EXOC6B: variants seen among roughly 807,000 people sequenced by gnomAD.
EXOC6B encodes the protein SEC15 homolog B.
In EXOC6B, 54 loss-of-function variants were observed where a neutral mutation model predicts 113.5. The observed-to-expected ratio is 0.48, with a 90% CI of 0.38 to 0.60. The LOEUF is 0.60. Ranked by LOEUF, EXOC6B falls within the 20% of genes least tolerant of loss-of-function variation. The pLI, the probability that EXOC6B is intolerant of heterozygous loss-of-function variation, is 0.00. For synonymous variants in EXOC6B, 357 were observed against 339.0 expected, an observed-to-expected ratio of 1.05 and a Z score of -0.58; for missense variants, 797 against 977.5, an observed-to-expected ratio of 0.82 and a Z score of 2.46.
In EXOC6B at chr2:72,743,600, T is replaced by G. The variant is rs908803450; in HGVS notation, c.114-2131A>C. The stretch of plus-strand genomic sequence containing the variant: ...TATCTCCGCCTCCCCACAACCCACC[T>G]CAACTAGATTGTAAGTTCAAGGGCA... On this transcript the variant is annotated intron_variant, in intron 1 of 21. Coordinates refer to ENST00000272427, the MANE Select transcript of EXOC6B (RefSeq NM_015189.3). 3.9e-5 allele frequency among the ~76,000 whole-genome samples: 6 copies of G among 152,114 alleles called. No individual in the cohort carries two copies. The East Asian group carries it at 7.7e-4, about 20-fold the overall frequency.
chr2:72,600,458 A>C (rs1670349839), intron 6 of EXOC6B, among the ~76,000 whole-genome samples: 1 of 151,376 alleles, frequency 6.6e-6, no homozygotes, highest in Non-Finnish European at 1.5e-5. Flanking sequence ...AAAAAAAAAA[A>C]AAAAAAACTA....
chr2:72,515,425 G>A, intron 8 of EXOC6B: 1 of 1,169,256 alleles, frequency 8.6e-7, no homozygotes, highest in Non-Finnish European at 1.1e-6. Context: ...CAAGAATGCA[G>A]GGAAACCAAC....
chr2:72,682,263 A>G (rs1325998028), intron 6 of EXOC6B, among the ~76,000 whole-genome samples: 1 of 152,166 alleles, frequency 6.6e-6, no homozygotes, highest in East Asian at 1.9e-4. Flanking sequence ...CCATTTCCTC[A>G]TTCTTCTTAA....
chr2:72,671,799 GAAAGAAAGAAAGAAAGAAAGAAGAGA>G (rs1675877675), intron 6 of EXOC6B, among the ~76,000 whole-genome samples: 1 of 117,612 alleles, frequency 8.5e-6, no homozygotes, highest in Non-Finnish European at 1.8e-5. Flanking sequence ...AAGAAAGAAA[GAAAGAAAGAAAGAAAGAAAGAAGAGA>G]AAAGAAAGAA....
At chr2:72,229,510 A>G (rs1264277122) in intron 20 of EXOC6B, among the ~76,000 whole-genome samples, 2 of 152,214 alleles carry the variant, frequency 1.3e-5, no homozygotes, top group Non-Finnish European at 2.9e-5. Flanking sequence ...ACCTCTTTCC[A>G]GACCTGAAAG....
At chr2:72,700,636 T>A (rs139883780) in intron 6 of EXOC6B, among the ~76,000 whole-genome samples, 1 of 152,220 alleles carries the variant, frequency 6.6e-6, no homozygotes, top group Non-Finnish European at 1.5e-5. Context: ...ACCATGTGAA[T>A]GTTCTTAAAG....
chr2:72,223,277 A>C (rs1339827445), intron 20 of EXOC6B, among the ~76,000 whole-genome samples: 1 of 152,226 alleles, frequency 6.6e-6, no homozygotes, highest in East Asian at 1.9e-4. Context: ...GCTTGTTTTA[A>C]ATCGGACCAT....
intron 6 of EXOC6B, among the ~76,000 whole-genome samples, chr2:72,658,286 T>TAAAAAAAAAAAAAAAAAAAAAAGAA (rs1674746214): frequency 1.7e-5 from 1 of 58,726 alleles, no homozygotes; most frequent in African/African-American, 7.4e-5. Context: ...TAAAAACTAG[T>TAAAAAAAAAAAAAAAAAAAAAAGAA]AAAAAAAAAA....
At chr2:72,820,927 G>A (rs1029121022) in intron 1 of EXOC6B, among the ~76,000 whole-genome samples, 12 of 151,760 alleles carry the variant, frequency 7.9e-5, no homozygotes, top group South Asian at 2.1e-4. Flanking sequence ...CATGCATTAC[G>A]CAAAAGTTTC....
chr2:72,457,878 T>A (rs977540707), intron 18 of EXOC6B, among the ~76,000 whole-genome samples: 1 of 152,022 alleles, frequency 6.6e-6, no homozygotes, highest in Non-Finnish European at 1.5e-5. Flanking sequence ...ATTAAATAAT[T>A]TTCTCCTCTG....
intron 1 of EXOC6B, among the ~76,000 whole-genome samples, chr2:72,786,187 A>G (rs1559000869): frequency 6.6e-6 from 1 of 152,246 alleles, no homozygotes; most frequent in Non-Finnish European, 1.5e-5. Context: ...ATGAATAAAT[A>G]TTTATTTAGG....
chr2:72,423,392 C>T (rs1010416134), intron 18 of EXOC6B, among the ~76,000 whole-genome samples: 5 of 152,088 alleles, frequency 3.3e-5, no homozygotes, highest in African/African-American at 9.7e-5. Flanking sequence ...TCTGGACACA[C>T]TACTATGAAT....
At chr2:72,499,822 C>G (rs1421158679) in intron 12 of EXOC6B, 79 bp downstream of exon 12, 1 of 1,004,408 alleles carries the variant, frequency 1.0e-6, no homozygotes, top group East Asian at 2.6e-5. Context: ...GCAAAAGCCA[C>G]CAGACCCAGT....
chr2:72,528,967 T>C (rs909391523), intron 8 of EXOC6B, among the ~76,000 whole-genome samples: 2 of 152,156 alleles, frequency 1.3e-5, no homozygotes, highest in Non-Finnish European at 2.9e-5. Flanking sequence ...ATTTTCAATA[T>C]AGACAATCAG....
intron 15 of EXOC6B, among the ~76,000 whole-genome samples, chr2:72,493,561 T>C (rs565650800): frequency 7.2e-5 from 11 of 152,140 alleles, no homozygotes; most frequent in Non-Finnish European, 1.6e-4. Context: ...GCCTGAATTC[T>C]TTAAAAACAT....
At chr2:72,678,111 T>G (rs998065073) in intron 6 of EXOC6B, among the ~76,000 whole-genome samples, 29 of 152,206 alleles carry the variant, frequency 1.9e-4, no homozygotes, top group African/African-American at 6.8e-4. Context: ...ACAACATCAA[T>G]GTATTGCACA....
At chr2:72,681,085 A>G (rs191277195) in intron 6 of EXOC6B, among the ~76,000 whole-genome samples, 1 of 152,322 alleles carries the variant, frequency 6.6e-6, no homozygotes, top group East Asian at 1.9e-4. Context: ...TGTTAGCTTT[A>G]AGGATAAAAT....
intron 6 of EXOC6B, among the ~76,000 whole-genome samples, chr2:72,614,534 C>G (rs902014801): frequency 6.6e-6 from 1 of 152,098 alleles, no homozygotes; most frequent in Non-Finnish European, 1.5e-5. Flanking sequence ...CTCAGAAGGA[C>G]CATAGCATCA....
intron 20 of EXOC6B, among the ~76,000 whole-genome samples, chr2:72,208,610 G>C (rs1679978243): frequency 6.6e-6 from 1 of 152,068 alleles, no homozygotes; most frequent in Non-Finnish European, 1.5e-5. Flanking sequence ...CCAGTAAAGG[G>C]ATTGCTGGGT....
Sources: allele counts gnomAD v4.1 joint callset (sites outside exome capture counted in the v4.1 genomes callset), GRCh38; gene constraint gnomAD v4.1.1; transcripts MANE v1.5; gene names NCBI Gene and HGNC (gene_info 2026-07-23, HGNC 2026-07-21).